The following GPC6 variants were observed in gnomAD, a reference collection of about 807,000 sequenced individuals.
GPC6 encodes glypican-6.
In GPC6, 14 loss-of-function variants were observed where a neutral mutation model predicts 55.2. The ratio of observed to expected loss-of-function variants is 0.25; its 90% confidence interval spans 0.17 to 0.40. GPC6 has a LOEUF of 0.40. Ranked by LOEUF, GPC6 falls within the 10% of genes least tolerant of loss-of-function variation. The probability of loss-of-function intolerance (pLI) is 1.00; values close to 1 mark genes in which losing one functional copy is unlikely to be tolerated. For missense variants in GPC6, 641 were observed against 708.5 expected, an observed-to-expected ratio of 0.90 and a Z score of 1.08; for synonymous variants, 278 against 259.6, an observed-to-expected ratio of 1.07 and a Z score of -0.68.
chr13:93,758,432 C>G (rs1884850406), intron 2 of GPC6, among the ~76,000 whole-genome samples: 1 of 152,100 alleles, frequency 6.6e-6, no homozygotes, highest in Non-Finnish European at 1.5e-5. Context: ...CTCTCTCTCC[C>G]TGTCTCTCTG....
chr13:93,676,127 ATATATATAT>A lies in GPC6; in HGVS notation c.319+130707_319+130715del, dbSNP rs1367539629. On this transcript the variant is annotated intron_variant, in intron 2 of 8. Coordinates refer to ENST00000377047, the MANE Select transcript of GPC6 (RefSeq NM_005708.5). The stretch of plus-strand genomic sequence containing the variant: ...CTACTAAAAAAAAAAAAAAAAAAAA[ATATATATAT>A]ATATATATATATATATATATATATA... Among the ~76,000 whole-genome samples the A allele has an allele frequency of 1.1e-3, 12 of 10,666 alleles. 1 individual carries two copies. Among genetic ancestry groups the A allele is most frequent in the East Asian group, 3.3e-3 (1 of 306 alleles). 7.0% of individuals were successfully genotyped at this position (10,666 alleles called of 152,430 possible).
intron 3 of GPC6, among the ~76,000 whole-genome samples, chr13:93,936,369 G>C (rs1878432868): frequency 6.6e-6 from 1 of 151,978 alleles, no homozygotes; most frequent in Admixed American, 6.6e-5. Flanking sequence ...AAATTTTCTT[G>C]GGGGAAGGGG....
At chr13:94,107,099 C>T (rs1044966738) in intron 4 of GPC6, among the ~76,000 whole-genome samples, 2 of 152,112 alleles carry the variant, frequency 1.3e-5, no homozygotes, top group South Asian at 2.1e-4. Flanking sequence ...AAGGGTGCAC[C>T]GTGTTTTGGG....
rs1003846229 is a variant in GPC6, at chr13:93,804,371, A to T, written c.320-25783A>T. Among the ~76,000 whole-genome samples the T allele has an allele frequency of 2.0e-5, 3 of 152,308 alleles. No homozygotes were observed. The South Asian group carries it at 6.2e-4, about 32-fold the overall frequency. ...AGTAAGGAGTAGGGTCCACCATTACATATGTACATGACCTAAAATTTATTT... is the reference window on the plus strand; with the variant it reads ...AGTAAGGAGTAGGGTCCACCATTACTTATGTACATGACCTAAAATTTATTT... On this transcript the variant is annotated intron_variant, in intron 2 of 8. Coordinates refer to ENST00000377047, the MANE Select transcript of GPC6 (RefSeq NM_005708.5).
intron 2 of GPC6, among the ~76,000 whole-genome samples, chr13:93,822,281 A>G (rs1887075268): frequency 2.6e-5 from 4 of 152,062 alleles, no homozygotes; most frequent in Admixed American, 2.0e-4. Context: ...TCACTGTTCT[A>G]TACACTGTAG....
chr13:93,819,521 T>G (rs74108849), intron 2 of GPC6, among the ~76,000 whole-genome samples: 245 of 152,324 alleles, frequency 1.6e-3, no homozygotes, highest in African/African-American at 5.8e-3. Context: ...CATCCCACAC[T>G]CTGGTTAATG....
intron 4 of GPC6, among the ~76,000 whole-genome samples, chr13:94,132,581 A>C (rs1887039466): frequency 6.6e-6 from 1 of 152,192 alleles, no homozygotes; most frequent in African/African-American, 2.4e-5. Flanking sequence ...TATGGGCCAA[A>C]TAATAGTACA....
intron 2 of GPC6, among the ~76,000 whole-genome samples, chr13:93,552,138 C>G (rs774660469): frequency 2.6e-5 from 4 of 152,180 alleles, no homozygotes; most frequent in Non-Finnish European, 4.4e-5. Flanking sequence ...TGTATTCCAT[C>G]TGAAGGACAC....
intron 4 of GPC6, among the ~76,000 whole-genome samples, chr13:94,258,062 A>G (rs1007556233): frequency 2.0e-5 from 3 of 152,242 alleles, no homozygotes; most frequent in African/African-American, 7.2e-5. Flanking sequence ...ACTGTAAAAT[A>G]TTGAAAGACT....
chr13:93,554,171 G>A (rs1875330618), intron 2 of GPC6, among the ~76,000 whole-genome samples: 1 of 151,252 alleles, frequency 6.6e-6, no homozygotes, highest in Non-Finnish European at 1.5e-5. Context: ...GAGAGAGAGA[G>A]CTGACTTGAA....
chr13:94,360,341 T>C (rs968956537), intron 6 of GPC6, among the ~76,000 whole-genome samples: 4 of 152,126 alleles, frequency 2.6e-5, no homozygotes, highest in Non-Finnish European at 4.4e-5. Flanking sequence ...TGATAGATGA[T>C]TGATTGATTG....
At chr13:94,176,993 T>C (rs1225739303) in intron 4 of GPC6, among the ~76,000 whole-genome samples, 1 of 152,216 alleles carries the variant, frequency 6.6e-6, no homozygotes, top group Non-Finnish European at 1.5e-5. Context: ...GCTTTAAAAC[T>C]ATTTTTAAAA....
At chr13:93,505,456 C>G (rs955581271) in intron 1 of GPC6, among the ~76,000 whole-genome samples, 19 of 149,790 alleles carry the variant, frequency 1.3e-4, no homozygotes, top group African/African-American at 2.2e-4. Flanking sequence ...CACACAGAGA[C>G]AGAGAGAGAG....
At chr13:94,013,429 C>T (rs1256161934) in intron 3 of GPC6, among the ~76,000 whole-genome samples, 2 of 152,176 alleles carry the variant, frequency 1.3e-5, no homozygotes, top group Admixed American at 6.5e-5. Context: ...CAGCTCACCA[C>T]ACCCTCTGCC....
At chr13:93,948,844 C>T (rs1879126298) in intron 3 of GPC6, among the ~76,000 whole-genome samples, 1 of 152,088 alleles carries the variant, frequency 6.6e-6, no homozygotes, top group South Asian at 2.1e-4. Flanking sequence ...TTTACAGTTG[C>T]TTTGGTTTGC....
chr13:93,827,823 T>A (rs1024206558), intron 2 of GPC6, among the ~76,000 whole-genome samples: 1 of 152,274 alleles, frequency 6.6e-6, no homozygotes, highest in African/African-American at 2.4e-5. Context: ...TGGGCAGTCT[T>A]GTTTGAACCA....
the GPC6 span, among the ~76,000 whole-genome samples, chr13:93,217,991 AAATGAACAT>A: frequency 2.0e-5 from 3 of 152,338 alleles, no homozygotes; most frequent in Middle Eastern, 3.4e-3. Flanking sequence ...CTGTGATTGC[AAATGAACAT>A]CAGGAGAAAT....
At chr13:94,363,392 G>A (rs941478412) in intron 6 of GPC6, among the ~76,000 whole-genome samples, 7 of 152,152 alleles carry the variant, frequency 4.6e-5, no homozygotes, top group African/African-American at 1.4e-4. Context: ...GACTTCTACT[G>A]TAACCTAACT....
chr13:93,292,939 C>T (rs1029140123), intron 1 of GPC6, among the ~76,000 whole-genome samples: 11 of 152,234 alleles, frequency 7.2e-5, no homozygotes, highest in South Asian at 2.1e-4. Context: ...ATATTTAAAC[C>T]TTATCTTTGG....
Sources: gnomAD v4.1 joint callset for allele counts (sites outside exome capture counted in the v4.1 genomes callset) on GRCh38, gnomAD v4.1.1 for gene constraint, MANE v1.5 for transcripts, NCBI Gene and HGNC (gene_info 2026-07-23, HGNC 2026-07-21) for gene names.